The following KIFAP3 variants were observed in gnomAD, a reference collection of about 807,000 sequenced individuals.
KIFAP3 encodes kinesin associated protein 3, also known as kinesin-associated protein 3.
KIFAP3 carries 68 observed loss-of-function variants against 106.5 expected under a neutral mutation model. The ratio of observed to expected loss-of-function variants is 0.64; its 90% confidence interval spans 0.53 to 0.78. The LOEUF is 0.78. Ranked by LOEUF, KIFAP3 falls within the 30% of genes least tolerant of loss-of-function variation. KIFAP3 has a pLI of 0.00. For missense variants in KIFAP3, 780 were observed against 941.8 expected (o/e 0.83, Z 2.25); for synonymous variants, 320 against 311.5 (o/e 1.03, Z -0.29).
Position 169,951,517 on chromosome 1 carries a change from A to C in KIFAP3, c.2273+2494T>G, listed in dbSNP as rs1664730269. Among the ~76,000 whole-genome samples, 3 of 151,900 alleles carry C rather than the reference A, an allele frequency of 2.0e-5. 1 individual carries two copies. The South Asian group carries it at 6.2e-4, about 31-fold the overall frequency. ...GTACAAAGGTAAAAGGATTTTCCCAAAGTCATGTAAAAAAATCTTATTAAC... is the reference window on the plus strand; with the variant it reads ...GTACAAAGGTAAAAGGATTTTCCCACAGTCATGTAAAAAAATCTTATTAAC... On this transcript the variant is annotated intron_variant, in intron 19 of 19. Transcript: ENST00000361580.
Position 170,024,561 on chromosome 1 carries a change from T to C in KIFAP3, c.877A>G (p.Thr293Ala), listed in dbSNP as rs1054092270. ...LYLLLNLAED[T>A]RTELKMRNKN... is the part of the protein sequence containing the mutation. ...TTCCTCATTTTCAGTTCGGTACGAG[T>C]ATCCTCAGCAAGATTCAGAAGCAAA... Residue 293 changes from threonine (T) to alanine (A), a missense_variant, in exon 9 of 20, where the codon ACT (threonine) becomes GCT (alanine). Transcript: ENST00000361580. 2.5e-6 allele frequency: 4 copies of C among 1,594,172 alleles called. No individual in the cohort carries two copies. The highest frequency in any genetic ancestry group is 3.4e-6 in the Non-Finnish European group (4 of 1,171,390).
chr1:169,964,144 C>A (rs1347186939), intron 17 of KIFAP3, among the ~76,000 whole-genome samples: 8 of 152,174 alleles, frequency 5.3e-5, no homozygotes, highest in African/African-American at 1.9e-4. Flanking sequence ...CACCCAATCA[C>A]TGATCACACA....
chr1:170,071,458 A>G (rs1375302271), intron 1 of KIFAP3, among the ~76,000 whole-genome samples: 1 of 152,162 alleles, frequency 6.6e-6, no homozygotes, highest in Non-Finnish European at 1.5e-5. Flanking sequence ...TATAAGGAAA[A>G]GGGGTTTATT....
intron 5 of KIFAP3, among the ~76,000 whole-genome samples, chr1:170,036,833 G>A (rs1305336401): frequency 6.6e-6 from 1 of 152,100 alleles, no homozygotes; most frequent in African/African-American, 2.4e-5. Context: ...TACAGGAGTT[G>A]TACACAGTTT....
chr1:169,974,599 T>TCTGAAACTCA (rs1666124623), intron 16 of KIFAP3, among the ~76,000 whole-genome samples: 8 of 151,772 alleles, frequency 5.3e-5, no homozygotes, highest in South Asian at 4.2e-4. Flanking sequence ...ATTTGTGCAT[T>TCTGAAACTCA]TTTTAAAAAT....
rs1665813509 is a variant in KIFAP3 at position 169,969,822 on chromosome 1, A to ATAG, written c.1983+2688_1983+2690dup. 2.6e-5 allele frequency among the ~76,000 whole-genome samples: 4 copies of ATAG among 152,166 alleles called. No individual in the cohort carries two copies. The South Asian group carries it at 8.3e-4, about 32-fold the overall frequency. On this transcript the variant is annotated intron_variant, in intron 17 of 19. Transcript: ENST00000361580. ...GAATGCCAGTTCACATGTTTAGAGA[A>ATAG]TAGTATCTCAGTGTTCTCTGGGGTC...
At chr1:170,066,722 T>C (rs1198493768) in intron 1 of KIFAP3, among the ~76,000 whole-genome samples, 3 of 152,132 alleles carry the variant, frequency 2.0e-5, no homozygotes, top group African/African-American at 7.2e-5. Flanking sequence ...GTGGCTCTGG[T>C]AAAGCTCCAA....
chr1:170,079,843 T>C (rs1185444582), intron 1 of KIFAP3, among the ~76,000 whole-genome samples: 2 of 151,986 alleles, frequency 1.3e-5, no homozygotes, highest in African/African-American at 2.4e-5. Flanking sequence ...ATTGAATATG[T>C]AAATTGCTTT....
Position 170,039,224 on chromosome 1 carries a change from C to CA in KIFAP3, c.375+8dup. On this transcript the variant is annotated intron_variant, in intron 4 of 19. Transcript: ENST00000361580. Reference sequence around the variant, plus strand: ...GTCCTCTATTAGATCAGAATGCATGCAGTCTTACCTCCATTCCTTCAAAAG... The same window carrying CA: ...GTCCTCTATTAGATCAGAATGCATGCAAGTCTTACCTCCATTCCTTCAAAAG... The CA allele has an allele frequency of 6.4e-7, 1 of 1,561,228 alleles. No homozygotes were observed. The highest frequency in any genetic ancestry group is 8.8e-7 in the Non-Finnish European group (1 of 1,141,346).
chr1:170,011,560 T>C (rs1199013647), intron 10 of KIFAP3, among the ~76,000 whole-genome samples: 1 of 151,880 alleles, frequency 6.6e-6, no homozygotes, highest in African/African-American at 2.4e-5. Flanking sequence ...TATAAACATA[T>C]ACACATTACA....
At chr1:169,939,054 A>G (rs1396679277) in intron 19 of KIFAP3, among the ~76,000 whole-genome samples, 2 of 152,170 alleles carry the variant, frequency 1.3e-5, no homozygotes, top group Non-Finnish European at 1.5e-5. Flanking sequence ...GAGTATGGGA[A>G]GCCATTGAAG....
chr1:169,994,880 G>C (rs1379101633), intron 10 of KIFAP3, among the ~76,000 whole-genome samples: 2 of 152,002 alleles, frequency 1.3e-5, no homozygotes, highest in Non-Finnish European at 2.9e-5. Flanking sequence ...TAGAGTCAGA[G>C]ATAGGCTCTA....
chr1:169,981,404 A>G (rs929222441), intron 15 of KIFAP3, among the ~76,000 whole-genome samples: 2 of 152,156 alleles, frequency 1.3e-5, no homozygotes, highest in Non-Finnish European at 2.9e-5. Context: ...CATCTCAGTT[A>G]TCAGGTCCAC....
At chr1:169,965,856 C>T (rs1389328537) in intron 17 of KIFAP3, among the ~76,000 whole-genome samples, 2 of 152,034 alleles carry the variant, frequency 1.3e-5, no homozygotes, top group East Asian at 3.9e-4. Flanking sequence ...TATCCATGAG[C>T]ATCCATGACT....
intron 10 of KIFAP3, among the ~76,000 whole-genome samples, chr1:170,012,966 T>C (rs950937855): frequency 5.9e-5 from 9 of 152,220 alleles, no homozygotes; most frequent in African/African-American, 1.9e-4. Flanking sequence ...GGCCCGGCCC[T>C]TGAAACGTGG....
At chr1:170,042,571 A>G (rs778655574) in intron 3 of KIFAP3, among the ~76,000 whole-genome samples, 40 of 152,186 alleles carry the variant, frequency 2.6e-4, no homozygotes, top group Non-Finnish European at 5.1e-4. Context: ...TCCAGAAATA[A>G]TCTTTTCTTT....
intron 2 of KIFAP3, among the ~76,000 whole-genome samples, chr1:170,049,821 A>C (rs1170770447): frequency 6.6e-6 from 1 of 151,568 alleles, no homozygotes; most frequent in African/African-American, 2.4e-5. Flanking sequence ...CCCCCCCCCA[A>C]AAAAAACCCA....
chr1:170,076,608 CT>C (rs1252921570), upstream of KIFAP3, among the ~76,000 whole-genome samples: 2 of 152,144 alleles, frequency 1.3e-5, no homozygotes, highest in African/African-American at 2.4e-5. Flanking sequence ...ACTCTGAAAG[CT>C]GGTAATTAAA....
intron 1 of KIFAP3, among the ~76,000 whole-genome samples, chr1:170,083,691 A>G (rs916812570): frequency 6.6e-6 from 1 of 152,150 alleles, no homozygotes; most frequent in Admixed American, 6.6e-5. Flanking sequence ...CCTACCTACC[A>G]TTTATTAATT....
Sources: allele counts gnomAD v4.1 joint callset (sites outside exome capture counted in the v4.1 genomes callset), GRCh38; gene constraint gnomAD v4.1.1; transcripts MANE v1.5; gene names NCBI Gene and HGNC (gene_info 2026-07-23, HGNC 2026-07-21).